The following STAG3 variants were observed in gnomAD, a reference collection of about 807,000 sequenced individuals.
The protein encoded by STAG3 is cohesin subunit SA-3.
STAG3 carries 101 observed loss-of-function variants against 160.7 expected under a neutral mutation model. The ratio of observed to expected loss-of-function variants is 0.63; its 90% CI spans 0.54 to 0.74. The LOEUF (loss-of-function observed/expected upper bound fraction) is 0.74, where lower values mean the gene tolerates loss of function less well. STAG3 is among the 30% of genes least tolerant of loss of function. STAG3 has a pLI of 0.00. For synonymous variants in STAG3, 519 were observed against 585.0 expected, an observed-to-expected ratio of 0.89 and a Z score of 1.63; for missense variants, 1,188 against 1,517.4, an observed-to-expected ratio of 0.78 and a Z score of 3.61.
chr7:100,215,420 G>A (rs527401845), downstream of STAG3, among the ~76,000 whole-genome samples: 22 of 152,260 alleles, frequency 1.4e-4, no homozygotes, highest in Admixed American at 6.5e-4. Context: ...TAGCCCTCGG[G>A]GAGTCAGAGC....
intron 1 of STAG3, 111 bp downstream of exon 1, chr7:100,178,116 T>TA (rs2117011213): frequency 1.2e-5 from 1 of 85,698 alleles, no homozygotes; most frequent in South Asian, 4.4e-4. Context: ...GCCCTGACAC[T>TA]AGGAGCCTTC....
Position 100,200,893 on chromosome 7 carries a change from G to A in STAG3, c.1985G>A (p.Arg662Gln), listed in dbSNP as rs1322806937. The part of the protein sequence containing the change: ...LCNPEFTFFS[R>Q]ADFARSQLVD... ...AATCCCGAATTCACTTTCTTCAGCC[G>A]GGCGGACTTTGCCCGCAGCCAGCTA... The change falls in exon 19 of 34, where the codon CGG becomes CAG. Residue 662 changes from arginine (R) to glutamine (Q), a missense_variant. By Grantham distance (43) the Arg-to-Gln change is conservative. Coordinates refer to ENST00000615138, the MANE Select transcript of STAG3 (RefSeq NM_001282717.2). The A allele has an allele frequency of 5.6e-6, 9 of 1,614,156 alleles. No homozygotes were observed. The East Asian group carries it at 1.3e-4, about 24-fold the overall frequency.
In STAG3 at chr7:100,211,475, G is replaced by A; in HGVS notation, c.3454G>A (p.Gly1152Ser). ...AGGCACCGAGAGGTCAAGGTTCTTG[G>A]GTCCACAATATTTCCAGACTCCACA... ...VAGTERSRFL[G>S]PQYFQTPHNP... Residue 1152 changes from glycine (G) to serine (S), a missense_variant, in exon 31 of 34, where the codon GGT becomes AGT. Gly to Ser is a moderately conservative substitution (Grantham distance 56, BLOSUM62 0). Transcript: ENST00000615138. 6.2e-7 allele frequency: 1 copy of A among 1,613,642 alleles called. No individual in the cohort carries two copies. Among genetic ancestry groups the A allele is most frequent in the Non-Finnish European group, 8.5e-7 (1 of 1,179,968 alleles).
rs375271919 is a variant in STAG3 at position 100,184,328 on chromosome 7, C to T, written c.336+1489C>T. ...CTTATGGCCTAGTATTGAGTTGGTA[C>T]ATTCGTTTTATCTTTTCTGTTTCTT... is the stretch of plus-strand genomic sequence containing the variant. On this transcript the variant is annotated intron_variant, in intron 4 of 33. Transcript: ENST00000615138. 6.6e-5 allele frequency among the ~76,000 whole-genome samples: 10 copies of T among 151,612 alleles called. No individual in the cohort carries two copies. The South Asian group carries it at 8.3e-4, about 13-fold the overall frequency.
In STAG3 at chr7:100,213,766, G is replaced by A. The variant is rs768476111; in HGVS notation, c.3632G>A (p.Arg1211His). 1.6e-5 allele frequency: 26 copies of A among 1,614,108 alleles called. No individual in the cohort carries two copies. Among genetic ancestry groups the A allele is most frequent in the South Asian group, 4.4e-5 (4 of 91,088 alleles). ...QASSYSSTSE[R>H]GLDLLDSTEL... ...AGTAGCTACTCTTCCACCAGTGAGC[G>A]CGGGCTGGACCTCTTAGATTCTACA... is the stretch of plus-strand genomic sequence containing the variant. Residue 1211 changes from arginine to histidine, a missense_variant, in exon 33 of 34, where the codon CGC (arginine) becomes CAC (histidine). Transcript: ENST00000615138.
At position 100,204,054 on chromosome 7, in the gene STAG3, A is replaced by G. The variant is rs200361384; in HGVS notation, c.2734A>G (p.Thr912Ala). 5.2e-5 allele frequency: 84 copies of G among 1,613,992 alleles called. No individual in the cohort carries two copies. The highest frequency in any genetic ancestry group is 5.1e-5 in the Non-Finnish European group (60 of 1,179,954). Residue 912 changes from threonine to alanine, a missense_variant, in exon 26 of 34, where the codon ACA (threonine) becomes GCA (alanine). Around this residue, in one of 4 missense-constraint regions of STAG3, gnomAD observed 647 missense variants for 717.2 expected, o/e 0.90. Coordinates refer to ENST00000615138, the MANE Select transcript of STAG3 (RefSeq NM_001282717.2). ...YNDYGDIIKE[T>A]LTRARQIDRS... Reference sequence around the variant, plus strand: ...TGACTATGGTGACATTATCAAGGAAACATTAACTAGAGCAAGGCAGATTGA... The same window carrying G: ...TGACTATGGTGACATTATCAAGGAAGCATTAACTAGAGCAAGGCAGATTGA...
At chr7:100,215,938 C>T (rs924294208), downstream of STAG3, among the ~76,000 whole-genome samples, 11 of 152,126 alleles carry the variant, frequency 7.2e-5, no homozygotes, top group Non-Finnish European at 1.2e-4. Flanking sequence ...ACTTGGAACC[C>T]GGTCACCATT....
chr7:100,198,574 G>A lies in STAG3; in HGVS notation c.1344G>A (p.Leu448=). ...TGGCCTCTGCCGCAGGCGAATTTCT[G>A]TACTGGAAGTGAGTGGGGCTCCTTT... ...RGLASAAGEF[L]YWKLFYPECE... The change falls in exon 13 of 34, where the codon CTG becomes CTA. Residue 448 remains leucine, a synonymous_variant. Coordinates refer to ENST00000615138, the MANE Select transcript of STAG3 (RefSeq NM_001282717.2). The A allele has an allele frequency of 6.2e-7, 1 of 1,613,604 alleles. No homozygotes were observed. The highest frequency in any genetic ancestry group is 1.8e-4 in the Middle Eastern group (1 of 5,692).
Position 100,188,891 on chromosome 7 carries a change from C to T in STAG3, c.590C>T (p.Thr197Ile), listed in dbSNP as rs750553650. Residue 197 changes from threonine (T) to isoleucine (I), a missense_variant, in exon 7 of 34, where the codon ACA becomes ATA. Thr to Ile is a moderately conservative substitution (Grantham distance 89, BLOSUM62 -1). Coordinates refer to ENST00000615138, the MANE Select transcript of STAG3 (RefSeq NM_001282717.2). ...GGCAGCTTCTGTGAATTTGTGAGGA[C>T]ATTGGTCTGTCAGTGCCAGTACAGC... Reference protein sequence around the residue: ...FQGSFCEFVRTLVCQCQYSLL... With the variant: ...FQGSFCEFVRILVCQCQYSLL... 3 of 1,614,162 alleles carry T rather than the reference C, an allele frequency of 1.9e-6. No homozygotes were observed. In the South Asian group the frequency reaches 3.3e-5, roughly 18 times the overall value.
downstream of STAG3, among the ~76,000 whole-genome samples, chr7:100,216,009 C>A (rs1162818363): frequency 2.0e-5 from 3 of 152,172 alleles, no homozygotes; most frequent in Admixed American, 1.3e-4. Flanking sequence ...GCCAGCAGTC[C>A]TCACCGAGGT....
chr7:100,216,649 A>G (rs1453678681), downstream of STAG3, among the ~76,000 whole-genome samples: 2 of 151,924 alleles, frequency 1.3e-5, no homozygotes, highest in Non-Finnish European at 2.9e-5. Flanking sequence ...AAATACAACA[A>G]AATTAGCTGG....
At chr7:100,189,640 G>C in intron 8 of STAG3, 44 bp downstream of exon 8, 1 of 1,586,464 alleles carries the variant, frequency 6.3e-7, no homozygotes, top group Non-Finnish European at 8.6e-7. Flanking sequence ...TTCCCAACTT[G>C]CACCCACTTC....
At chr7:100,179,657 G>C (rs899410541) in intron 1 of STAG3, among the ~76,000 whole-genome samples, 1 of 152,188 alleles carries the variant, frequency 6.6e-6, no homozygotes, top group Non-Finnish European at 1.5e-5. Flanking sequence ...CTTTTGGAGA[G>C]CAACTCCAAA....
At chr7:100,194,828 C>A (rs769534329) in intron 8 of STAG3, among the ~76,000 whole-genome samples, 9 of 152,036 alleles carry the variant, frequency 5.9e-5, no homozygotes, top group Non-Finnish European at 1.0e-4. Flanking sequence ...GATTACTGAT[C>A]ACAGATAACC....
chr7:100,201,444 T>G, intron 21 of STAG3, 93 bp downstream of exon 21: 1 of 1,106,038 alleles, frequency 9.0e-7, no homozygotes, highest in East Asian at 2.4e-5. Flanking sequence ...CAAGTCTCAG[T>G]GCGTGGAGTG....
At chr7:100,178,591 A>AT (rs1799427347) in intron 1 of STAG3, among the ~76,000 whole-genome samples, 1 of 116,390 alleles carries the variant, frequency 8.6e-6, no homozygotes. Flanking sequence ...TTTTTTTTCC[A>AT]TTTAATTTTT....
chr7:100,202,710 T>G, intron 25 of STAG3, 120 bp downstream of exon 25: 1 of 1,339,770 alleles, frequency 7.5e-7, no homozygotes, highest in Non-Finnish European at 1.0e-6. Context: ...AAAGGAGAAG[T>G]AGGAGGGAAA....
intron 7 of STAG3, 86 bp from the exon 8 acceptor site, chr7:100,189,359 T>A: frequency 7.0e-7 from 1 of 1,432,948 alleles, no homozygotes; most frequent in Non-Finnish European, 9.5e-7. Context: ...TTCATTGCCC[T>A]TCTTTCCTTC....
At chr7:100,210,528 G>A (rs1637001) in intron 29 of STAG3, among the ~76,000 whole-genome samples, 107,339 of 151,836 alleles carry the variant, frequency 0.71, 38,597 homozygotes, top group Middle Eastern at 0.86. Context: ...CCCATTTTCC[G>A]GTTCCTCCCT....
Sources: gnomAD v4.1 joint callset for allele counts (sites outside exome capture counted in the v4.1 genomes callset) on GRCh38, gnomAD v4.1.1 for gene constraint, gnomAD v4.1.1 regional missense constraint, MANE v1.5 for transcripts, NCBI Gene and HGNC (gene_info 2026-07-23, HGNC 2026-07-21) for gene names.